PTPRN2: variants seen among roughly 807,000 people sequenced by gnomAD.
PTPRN2 encodes the protein receptor-type tyrosine-protein phosphatase N2.
In PTPRN2, 74 loss-of-function variants were observed where a neutral mutation model predicts 118.8. That is an observed-to-expected ratio of 0.62 (90% confidence interval 0.52 to 0.76). The LOEUF (loss-of-function observed/expected upper bound fraction) is 0.76, where lower values mean the gene tolerates loss of function less well. Among genes scored for constraint, PTPRN2 ranks in the 30% least tolerant of loss-of-function variants. The pLI, the probability that PTPRN2 is intolerant of heterozygous loss-of-function variation, is 0.00. For synonymous variants in PTPRN2, 641 were observed against 608.0 expected (o/e 1.05, Z -0.80); for missense variants, 1,481 against 1,394.4 (o/e 1.06, Z -0.99).
chr7:157,758,933 G>A (rs991268631), intron 12 of PTPRN2, among the ~76,000 whole-genome samples: 9 of 152,216 alleles, frequency 5.9e-5, no homozygotes, highest in East Asian at 1.9e-4. Context: ...CTCCAGCCAC[G>A]TCAGGCCATT....
At chr7:158,243,483 C>T (rs180982319) in intron 3 of PTPRN2, among the ~76,000 whole-genome samples, 1 of 152,332 alleles carries the variant, frequency 6.6e-6, no homozygotes, top group East Asian at 1.9e-4. Context: ...AGAAGAAATG[C>T]TCAGTGGAGA....
intron 1 of PTPRN2, among the ~76,000 whole-genome samples, chr7:158,532,294 G>A (rs761528800): frequency 1.4e-4 from 22 of 152,156 alleles, no homozygotes; most frequent in African/African-American, 2.4e-4. Flanking sequence ...CTCAAGCCAC[G>A]TCACGTCTCT....
intron 12 of PTPRN2, among the ~76,000 whole-genome samples, chr7:157,696,495 C>T (rs1797782216): frequency 6.9e-6 from 1 of 145,570 alleles, no homozygotes; most frequent in Non-Finnish European, 1.5e-5. Flanking sequence ...TGGCAGAGCC[C>T]TCACCATCTA....
At chr7:157,637,622 T>A (rs1585148639) in intron 14 of PTPRN2, among the ~76,000 whole-genome samples, 2 of 152,190 alleles carry the variant, frequency 1.3e-5, no homozygotes, top group African/African-American at 4.8e-5. Context: ...CAAAACGGTA[T>A]GATCAGATTC....
At position 157,591,007 on chromosome 7, in the gene PTPRN2, T is replaced by C. The variant is rs758472108; in HGVS notation, c.2496+4231A>G. Among the ~76,000 whole-genome samples, 5 of 152,070 alleles carry C rather than the reference T, an allele frequency of 3.3e-5. No individual in the cohort carries two copies. The highest frequency in any genetic ancestry group is 5.9e-5 in the Non-Finnish European group (4 of 68,026). On this transcript the variant is annotated intron_variant, in intron 17 of 22. Transcript: ENST00000389418. The surrounding 1 kb of genome is among the most constrained non-coding windows in gnomAD (Gnocchi z 4.4). ...CCTGGAACCCATGAATGTGGTCTTA[T>C]TTGGAAATAGGGTCTTTGCATATGT...
intron 11 of PTPRN2, among the ~76,000 whole-genome samples, chr7:157,930,191 G>A (rs1217418861): frequency 6.6e-6 from 1 of 152,170 alleles, no homozygotes; most frequent in Non-Finnish European, 1.5e-5. Context: ...CAGGTTCCAG[G>A]GTGGGAGCTA....
intron 2 of PTPRN2, among the ~76,000 whole-genome samples, chr7:158,466,108 A>C (rs2129443735): frequency 6.6e-6 from 1 of 152,280 alleles, no homozygotes; most frequent in Non-Finnish European, 1.5e-5. Flanking sequence ...TGTTGGATAC[A>C]TACATGCATA....
In PTPRN2 at chr7:158,587,675, C is replaced by T; in HGVS notation, c.-6G>A. On this transcript the variant is annotated 5_prime_UTR_variant, in exon 1 of 23. Transcript: ENST00000389418. ...AGCGGGAGCGGCGGCCCCATCCCCG[C>T]GGCCTGGCCGGCGGCGCTCAGTCCA... 2 of 1,319,502 alleles carry T rather than the reference C, an allele frequency of 1.5e-6. No homozygotes were observed. Among genetic ancestry groups the T allele is most frequent in the East Asian group, 3.3e-5 (1 of 30,142 alleles). The allele number at this position is 1,319,502 out of a possible 1,614,324, so 81.7% of individuals were successfully genotyped here.
At chr7:158,264,531 T>C (rs1341125358) in intron 3 of PTPRN2, among the ~76,000 whole-genome samples, 3 of 152,124 alleles carry the variant, frequency 2.0e-5, no homozygotes, top group African/African-American at 7.2e-5. Context: ...GACATGTGCA[T>C]GGGTACCTGC....
chr7:157,872,909 C>A (rs933703039), intron 12 of PTPRN2, among the ~76,000 whole-genome samples: 1 of 152,264 alleles, frequency 6.6e-6, no homozygotes, highest in Non-Finnish European at 1.5e-5. Context: ...TGTCCGCAGG[C>A]CACCTCCCCT....
At chr7:158,229,596 T>A (rs1212274985) in intron 3 of PTPRN2, among the ~76,000 whole-genome samples, 6 of 151,996 alleles carry the variant, frequency 3.9e-5, no homozygotes, top group Non-Finnish European at 7.4e-5. Context: ...TTTGCTGAAC[T>A]GAAAAATTCA....
Position 158,526,532 on chromosome 7 carries a change from T to C in PTPRN2, c.113-36747A>G, listed in dbSNP as rs1019109289. Among the ~76,000 whole-genome samples the C allele has an allele frequency of 6.6e-6, 1 of 152,158 alleles. No individual in the cohort carries two copies. Among genetic ancestry groups the C allele is most frequent in the African/African-American group, 2.4e-5 (1 of 41,414 alleles). ...TGACTCGGTTGTTCTCCATTCCTGA[T>C]CCCATTTCCTGTTTGTGGGTGTGAT... is the stretch of plus-strand genomic sequence containing the variant. On this transcript the variant is annotated intron_variant, in intron 1 of 22. Transcript: ENST00000389418. This position sits in a 1 kb window ranked among gnomAD's most constrained non-coding sequence, Gnocchi z 5.2.
At chr7:158,091,319 A>T (rs1814104824) in intron 10 of PTPRN2, among the ~76,000 whole-genome samples, 1 of 152,256 alleles carries the variant, frequency 6.6e-6, no homozygotes, top group Non-Finnish European at 1.5e-5. Context: ...GCCAAGGCAT[A>T]TATGGCAACA....
At chr7:158,538,732 G>A (rs1011522315) in intron 1 of PTPRN2, among the ~76,000 whole-genome samples, 19 of 152,166 alleles carry the variant, frequency 1.2e-4, no homozygotes, top group African/African-American at 2.9e-4. Context: ...AAAAGCAGGC[G>A]GCACCACGGG....
chr7:158,314,962 T>C (rs1216678377), intron 3 of PTPRN2, among the ~76,000 whole-genome samples: 42 of 139,238 alleles, frequency 3.0e-4, no homozygotes, highest in Admixed American at 2.1e-4. Context: ...AGGACAGAGG[T>C]GAACCCGGGA....
chr7:158,551,217 G>C (rs1019376595), intron 1 of PTPRN2, among the ~76,000 whole-genome samples: 1 of 152,228 alleles, frequency 6.6e-6, no homozygotes. Flanking sequence ...CTGCCTTGCT[G>C]TGTCCTCCCA....
intron 3 of PTPRN2, among the ~76,000 whole-genome samples, chr7:158,292,579 C>T (rs1011966207): frequency 1.3e-5 from 2 of 152,200 alleles, no homozygotes; most frequent in African/African-American, 4.8e-5. Flanking sequence ...ACTGTGCAAA[C>T]ATCACGGGTG....
At position 157,953,922 on chromosome 7, in the gene PTPRN2, C is replaced by T. The variant is rs1044432266; in HGVS notation, c.1724-55185G>A. On this transcript the variant is annotated intron_variant, in intron 11 of 22. Coordinates refer to ENST00000389418, the MANE Select transcript of PTPRN2 (RefSeq NM_002847.5). The surrounding 1 kb of genome is among the most constrained non-coding windows in gnomAD (Gnocchi z 4.6). ...TTTCCCTCACCATGGAATGCACAAACGCTTGAAGATGCATGTGTGTTAGAG... is the reference window on the plus strand; with the variant it reads ...TTTCCCTCACCATGGAATGCACAAATGCTTGAAGATGCATGTGTGTTAGAG... Among the ~76,000 whole-genome samples, 16 of 152,212 alleles carry T rather than the reference C, an allele frequency of 1.1e-4. No homozygotes were observed. Among genetic ancestry groups the T allele is most frequent in the Non-Finnish European group, 1.9e-4 (13 of 68,048 alleles).
intron 6 of PTPRN2, among the ~76,000 whole-genome samples, chr7:158,160,487 T>A (rs1046145654): frequency 1.3e-5 from 2 of 152,174 alleles, no homozygotes; most frequent in Admixed American, 1.3e-4. Flanking sequence ...ATCATCAGCT[T>A]CCCTGGTTCT....
Sources: gnomAD v4.1 joint callset for allele counts (sites outside exome capture counted in the v4.1 genomes callset) on GRCh38, gnomAD v4.1.1 for gene constraint, Gnocchi (gnomAD v3.1) non-coding constraint, MANE v1.5 for transcripts, NCBI Gene and HGNC (gene_info 2026-07-23, HGNC 2026-07-21) for gene names.